The following DACH1 variants were observed in gnomAD, a reference collection of about 807,000 sequenced individuals.
The protein encoded by DACH1 is dachshund family transcription factor 1, also known as dachshund homolog 1.
Under a neutral mutation model 54.2 loss-of-function variants are expected in DACH1, and 12 were observed. The observed-to-expected ratio is 0.22, with a 90% CI of 0.14 to 0.36. The LOEUF (loss-of-function observed/expected upper bound fraction) is 0.36. Ranked by LOEUF, DACH1 falls within the 10% of genes least tolerant of loss-of-function variation. The pLI is 1.00. For synonymous variants in DACH1, 386 were observed against 366.2 expected (o/e 1.05, Z -0.62); for missense variants, 805 against 929.8 (o/e 0.87, Z 1.75).
intron 6 of DACH1, among the ~76,000 whole-genome samples, chr13:71,513,350 A>G (rs1425971548): frequency 6.6e-6 from 1 of 151,962 alleles, no homozygotes; most frequent in Non-Finnish European, 1.5e-5. Flanking sequence ...ATGAGGTTTG[A>G]TTGTACCAAG....
intron 10 of DACH1, among the ~76,000 whole-genome samples, chr13:71,474,206 A>G (rs1877323764): frequency 6.6e-6 from 1 of 152,266 alleles, no homozygotes; most frequent in African/African-American, 2.4e-5. Context: ...TGTGATTGTT[A>G]CTTCTTGCAC....
chr13:71,692,144 AAC>A (rs1289740008), intron 1 of DACH1, among the ~76,000 whole-genome samples: 2 of 152,138 alleles, frequency 1.3e-5, no homozygotes, highest in Non-Finnish European at 2.9e-5. Flanking sequence ...TATTAAAGAA[AAC>A]ACTTCATAAA....
chr13:71,453,958 T>C (rs1375230621), intron 10 of DACH1, among the ~76,000 whole-genome samples: 1 of 152,166 alleles, frequency 6.6e-6, no homozygotes, highest in Non-Finnish European at 1.5e-5. Context: ...TAACATCCTA[T>C]ACAAGAACTT....
intron 1 of DACH1, among the ~76,000 whole-genome samples, chr13:71,853,991 G>T (rs543763270): frequency 2.0e-5 from 3 of 151,864 alleles, no homozygotes; most frequent in Middle Eastern, 6.8e-3. Context: ...ATTTCCCAAG[G>T]GTACCTGAAA....
intron 2 of DACH1, among the ~76,000 whole-genome samples, chr13:71,632,091 GA>G (rs983218766): frequency 6.8e-6 from 1 of 147,858 alleles, no homozygotes; most frequent in Non-Finnish European, 1.5e-5. Flanking sequence ...CCCAAAAAAA[GA>G]AAAGAAAGGA....
At position 71,488,999 on chromosome 13, in the gene DACH1, G is replaced by C; in HGVS notation, c.1720C>G (p.Gln574Glu). The C allele has an allele frequency of 1.2e-6, 2 of 1,612,758 alleles. No individual in the cohort carries two copies. Among genetic ancestry groups the C allele is most frequent in the East Asian group, 2.2e-5 (1 of 44,850 alleles). The change falls in exon 7 of 11, where the codon CAG (glutamine) becomes GAG (glutamate). Residue 574 changes from glutamine (Q) to glutamate (E), a missense_variant and splice_region_variant. By Grantham distance (29) the Gln-to-Glu change is conservative. Transcript: ENST00000613252. ...TTCCAGGTTGTAAAAAGGCCTACCT[G>C]TATGTTAGTCAGAAGAGTCTCGATG... ...SSIETLLTNIQGLLKVAIDNA... is the reference protein window; with the variant it reads ...SSIETLLTNIEGLLKVAIDNA...
At chr13:71,487,126 C>T (rs1878599594) in intron 7 of DACH1, among the ~76,000 whole-genome samples, 2 of 152,130 alleles carry the variant, frequency 1.3e-5, no homozygotes, top group Non-Finnish European at 2.9e-5. Context: ...GCTGGGATTA[C>T]AGGCATGAGC....
chr13:71,524,122 C>A (rs1331107552), intron 6 of DACH1, among the ~76,000 whole-genome samples: 1 of 152,032 alleles, frequency 6.6e-6, no homozygotes, highest in African/African-American at 2.4e-5. Context: ...CATTTCCTGG[C>A]GATTCTCTTC....
In DACH1 at chr13:71,549,845, T is replaced by C. The variant is rs943182450; in HGVS notation, c.1570+7179A>G. ...TAGCCTATTCACATCTAATACCCACTATCACCTGTGATTTACACAGCCACA... is the reference window on the plus strand; with the variant it reads ...TAGCCTATTCACATCTAATACCCACCATCACCTGTGATTTACACAGCCACA... On this transcript the variant is annotated intron_variant, in intron 6 of 10. Coordinates refer to ENST00000613252, the MANE Select transcript of DACH1 (RefSeq NM_080759.6). Among the ~76,000 whole-genome samples the C allele has an allele frequency of 2.0e-5, 3 of 152,122 alleles. No homozygotes were observed. The East Asian group carries it at 5.8e-4, about 29-fold the overall frequency.
At chr13:71,574,037 C>T (rs540857886) in intron 3 of DACH1, among the ~76,000 whole-genome samples, 2 of 152,064 alleles carry the variant, frequency 1.3e-5, no homozygotes, top group Admixed American at 6.6e-5. Flanking sequence ...AGACATTGTA[C>T]AGAGAACACA....
intron 6 of DACH1, among the ~76,000 whole-genome samples, chr13:71,517,449 C>T (rs570323174): frequency 6.6e-6 from 1 of 151,962 alleles, no homozygotes; most frequent in East Asian, 1.9e-4. Context: ...CATTAAACAC[C>T]TGTCAGTCTT....
In DACH1 at chr13:71,565,563, G is replaced by T. The variant is rs73521260; in HGVS notation, c.1300-5608C>A. On this transcript the variant is annotated intron_variant, in intron 4 of 10. Coordinates refer to ENST00000613252, the MANE Select transcript of DACH1 (RefSeq NM_080759.6). The stretch of plus-strand genomic sequence containing the variant: ...CCTGTATTCAGAAAAATGCTTAAAA[G>T]TACTTTTAAGAGACAGTCAATGATG... 6.0e-3 allele frequency among the ~76,000 whole-genome samples: 918 copies of T among 152,164 alleles called. 11 individuals are homozygous for T. Among genetic ancestry groups the T allele is most frequent in the African/African-American group, 0.021 (871 of 41,506 alleles).
chr13:71,542,392 CTT>C (rs1465652470), intron 6 of DACH1, among the ~76,000 whole-genome samples: 1 of 152,038 alleles, frequency 6.6e-6, no homozygotes, highest in Non-Finnish European at 1.5e-5. Flanking sequence ...GAAAATATAA[CTT>C]ATTCCTTAAT....
intron 2 of DACH1, among the ~76,000 whole-genome samples, chr13:71,651,718 G>GTGTGTATA (rs1436885023): frequency 6.9e-6 from 1 of 144,422 alleles, no homozygotes; most frequent in African/African-American, 2.6e-5. Context: ...ATATGTATAT[G>GTGTGTATA]TATATGTGTG....
At chr13:71,660,238 T>G (rs904893868) in intron 2 of DACH1, among the ~76,000 whole-genome samples, 1 of 152,128 alleles carries the variant, frequency 6.6e-6, no homozygotes, top group African/African-American at 2.4e-5. Context: ...ATAATTTGCT[T>G]GATTCACTAT....
chr13:71,852,680 T>C (rs903045900), intron 1 of DACH1, among the ~76,000 whole-genome samples: 6 of 152,156 alleles, frequency 3.9e-5, no homozygotes, highest in African/African-American at 1.2e-4. Context: ...ACAAATAAAA[T>C]GCTATTGGCT....
intron 1 of DACH1, among the ~76,000 whole-genome samples, chr13:71,739,962 T>G (rs1420357289): frequency 3.9e-5 from 6 of 152,208 alleles, no homozygotes; most frequent in Admixed American, 3.9e-4. Context: ...TTTCCAGGAT[T>G]TCTAAAGTAA....
At chr13:71,635,976 G>C (rs1462866631) in intron 2 of DACH1, among the ~76,000 whole-genome samples, 1 of 151,988 alleles carries the variant, frequency 6.6e-6, no homozygotes, top group Non-Finnish European at 1.5e-5. Flanking sequence ...TAGAGATGGG[G>C]TTTCACCATG....
At chr13:71,592,505 A>AAAAAAAAAAAAAG (rs1873796857) in intron 3 of DACH1, among the ~76,000 whole-genome samples, 4 of 149,596 alleles carry the variant, frequency 2.7e-5, no homozygotes, top group East Asian at 1.9e-4. Flanking sequence ...AAAAAAAAAA[A>AAAAAAAAAAAAAG]AAAAAAAAAA....
Sources: allele counts gnomAD v4.1 joint callset (sites outside exome capture counted in the v4.1 genomes callset), GRCh38; gene constraint gnomAD v4.1.1; transcripts MANE v1.5; gene names NCBI Gene and HGNC (gene_info 2026-07-23, HGNC 2026-07-21).